Variants in ANKRD6 observed in about 807,000 individuals in gnomAD.
The protein encoded by ANKRD6 is ankyrin repeat domain 6.
Under a neutral mutation model 82.3 loss-of-function variants are expected in ANKRD6, and 56 were observed. That is an observed-to-expected ratio of 0.68 (90% confidence interval 0.55 to 0.85). ANKRD6 has a LOEUF of 0.85. Among genes scored for constraint, ANKRD6 ranks in the 40% least tolerant of loss-of-function variants. The probability of loss-of-function intolerance (pLI) is 0.00; values close to 1 mark genes in which losing one functional copy is unlikely to be tolerated. For synonymous variants in ANKRD6, 347 were observed against 352.1 expected (o/e 0.99, Z 0.16); for missense variants, 852 against 907.6 (o/e 0.94, Z 0.79).
chr6:89,477,963 A>G (rs1417846395), intron 1 of ANKRD6, among the ~76,000 whole-genome samples: 3 of 152,142 alleles, frequency 2.0e-5, no homozygotes, highest in African/African-American at 7.2e-5. Flanking sequence ...TTTTCTGATT[A>G]TTGTGCATTG....
chr6:89,538,433 TTGTA>T (rs1239982954), intron 1 of ANKRD6, among the ~76,000 whole-genome samples: 1 of 152,174 alleles, frequency 6.6e-6, no homozygotes, highest in African/African-American at 2.4e-5. Context: ...TGGGTTTAAA[TTGTA>T]TGTATGGGGA....
chr6:89,451,030 G>A lies in ANKRD6; in HGVS notation c.-144+17655G>A, dbSNP rs1351399970. ...TAATTCAAATTACTAAAATTCAGCC[G>A]GGTGCCATGGCTAACGCCTGTAATC... On this transcript the variant is annotated intron_variant, in intron 1 of 15. Transcript: ENST00000339746. Among the ~76,000 whole-genome samples the A allele has an allele frequency of 7.2e-5, 11 of 152,144 alleles. No homozygotes were observed. The East Asian group carries it at 9.7e-4, about 13-fold the overall frequency.
chr6:89,569,686 C>T (rs1001211071), intron 2 of ANKRD6, among the ~76,000 whole-genome samples: 34 of 152,198 alleles, frequency 2.2e-4, no homozygotes, highest in Non-Finnish European at 4.7e-4. Flanking sequence ...TCCAGAATAC[C>T]TGTACCATTT....
intron 1 of ANKRD6, among the ~76,000 whole-genome samples, chr6:89,537,079 G>A (rs1428345372): frequency 6.6e-6 from 1 of 152,112 alleles, no homozygotes; most frequent in African/African-American, 2.4e-5. Context: ...GCTACTGTGT[G>A]TGTGTACAGA....
At chr6:89,619,033 A>T (rs1802327232) in intron 9 of ANKRD6, among the ~76,000 whole-genome samples, 1 of 152,206 alleles carries the variant, frequency 6.6e-6, no homozygotes, top group South Asian at 2.1e-4. Context: ...AGGGTTTGGG[A>T]TGGCCTTTAT....
At chr6:89,510,848 C>T (rs1780454868) in intron 1 of ANKRD6, among the ~76,000 whole-genome samples, 1 of 152,130 alleles carries the variant, frequency 6.6e-6, no homozygotes, top group African/African-American at 2.4e-5. Flanking sequence ...CCTCACAGTA[C>T]CTGTACATAG....
intron 2 of ANKRD6, among the ~76,000 whole-genome samples, chr6:89,570,110 C>T (rs867663562): frequency 2.9e-4 from 43 of 148,478 alleles, no homozygotes; most frequent in African/African-American, 1.0e-3. Flanking sequence ...AAGATATGCT[C>T]CCCTCTGTCA....
chr6:89,496,098 A>G (rs1778576992), intron 1 of ANKRD6, among the ~76,000 whole-genome samples: 1 of 152,004 alleles, frequency 6.6e-6, no homozygotes, highest in Non-Finnish European at 1.5e-5. Flanking sequence ...CCCATCTACA[A>G]AATGAAGACT....
At chr6:89,621,316 T>G (rs951336628) in intron 9 of ANKRD6, 1 of 154,720 alleles carries the variant, frequency 6.5e-6, no homozygotes, top group African/African-American at 2.4e-5. Flanking sequence ...CTGACCCACC[T>G]ATGTTTTTCT....
intron 1 of ANKRD6, among the ~76,000 whole-genome samples, chr6:89,463,396 G>A (rs928243421): frequency 1.6e-4 from 24 of 152,028 alleles, no homozygotes; most frequent in African/African-American, 5.6e-4. Context: ...AGAAAGTATT[G>A]TACATGAATG....
intron 2 of ANKRD6, chr6:89,581,711 C>T (rs554137543): frequency 6.6e-6 from 1 of 152,178 alleles, no homozygotes; most frequent in East Asian, 1.9e-4. Flanking sequence ...CCACACCTCT[C>T]CTCCCCTTCC....
At chr6:89,544,692 T>C (rs1784851314) in intron 1 of ANKRD6, among the ~76,000 whole-genome samples, 1 of 151,380 alleles carries the variant, frequency 6.6e-6, no homozygotes, top group Non-Finnish European at 1.5e-5. Context: ...CCAGCCTGGG[T>C]GACAGAGTGA....
intron 2 of ANKRD6, among the ~76,000 whole-genome samples, chr6:89,592,806 G>A (rs193175751): frequency 2.1e-4 from 32 of 152,174 alleles, no homozygotes; most frequent in Admixed American, 1.1e-3. Flanking sequence ...ACAAAAAAAC[G>A]TTGCCAGGCA....
chr6:89,624,508 G>A, intron 12 of ANKRD6, 31 bp from the exon 13 acceptor site: 1 of 1,550,526 alleles, frequency 6.4e-7, no homozygotes, highest in Non-Finnish European at 8.7e-7. Context: ...GAATGAACAA[G>A]GGATTGATTC....
chr6:89,544,660 G>A (rs1784841065), intron 1 of ANKRD6, among the ~76,000 whole-genome samples: 1 of 152,020 alleles, frequency 6.6e-6, no homozygotes, highest in Non-Finnish European at 1.5e-5. Flanking sequence ...GTTGCAGTGA[G>A]CCAAGATTGT....
chr6:89,572,100 G>C (rs1022124239), intron 2 of ANKRD6, among the ~76,000 whole-genome samples: 1 of 152,140 alleles, frequency 6.6e-6, no homozygotes, highest in Non-Finnish European at 1.5e-5. Context: ...TTCATGGCTT[G>C]ATAGTTCATT....
At position 89,546,957 on chromosome 6, in the gene ANKRD6, T is replaced by A. The variant is rs575406450; in HGVS notation, c.-143-19877T>A. On this transcript the variant is annotated intron_variant, in intron 1 of 15. Coordinates refer to ENST00000339746, the MANE Select transcript of ANKRD6 (RefSeq NM_001242809.2). ...TGTGAAATATCACTTTTAAGAAACC[T>A]CATTTTTTATTTTGATTTTTTTGAG... is the stretch of plus-strand genomic sequence containing the variant. Among the ~76,000 whole-genome samples the A allele has an allele frequency of 7.0e-4, 107 of 152,080 alleles. 1 individual carries two copies. The highest frequency in any genetic ancestry group is 1.4e-3 in the Non-Finnish European group (94 of 67,982).
chr6:89,453,041 C>G (rs1254288470), intron 1 of ANKRD6, among the ~76,000 whole-genome samples: 1 of 152,124 alleles, frequency 6.6e-6, no homozygotes, highest in African/African-American at 2.4e-5. Context: ...AGGCAAACAC[C>G]CTCATAAAAC....
At chr6:89,572,706 T>C (rs1367435165) in intron 2 of ANKRD6, among the ~76,000 whole-genome samples, 6 of 152,190 alleles carry the variant, frequency 3.9e-5, no homozygotes, top group Non-Finnish European at 8.8e-5. Flanking sequence ...TAGTGTAAGG[T>C]AAGGGTCCAT....
Sources: allele counts gnomAD v4.1 joint callset (sites outside exome capture counted in the v4.1 genomes callset), GRCh38; gene constraint gnomAD v4.1.1; transcripts MANE v1.5; gene names NCBI Gene and HGNC (gene_info 2026-07-23, HGNC 2026-07-21).